Variants in ITPR2 observed in about 807,000 individuals in gnomAD.
ITPR2 encodes the protein inositol 1,4,5-trisphosphate receptor type 2.
In ITPR2, 207 loss-of-function variants were observed where a neutral mutation model predicts 317.1. The observed-to-expected ratio is 0.65, with a 90% CI of 0.58 to 0.73. The LOEUF is 0.73. Among genes scored for constraint, ITPR2 ranks in the 30% least tolerant of loss-of-function variants. ITPR2 has a pLI of 0.00. For missense variants in ITPR2, 2,613 were observed against 3,284.0 expected (o/e 0.80, Z 4.99); for synonymous variants, 1,156 against 1,149.1 (o/e 1.01, Z -0.12).
intron 55 of ITPR2, among the ~76,000 whole-genome samples, chr12:26,375,527 GA>G (rs1939312329): frequency 6.6e-6 from 1 of 152,188 alleles, no homozygotes; most frequent in African/African-American, 2.4e-5. Context: ...GCCCCACCAT[GA>G]AAACTGTTTT....
rs78571893 is a variant in ITPR2 at position 26,404,688 on chromosome 12, G to A, written c.7400-4430C>T. ...GTTTCCTGGGAGTTTCAGGGAATAA[G>A]AAAACCCAGAGGAAGGTTGAATTGG... is the stretch of plus-strand genomic sequence containing the variant. On this transcript the variant is annotated intron_variant, in intron 52 of 56. Transcript: ENST00000381340. Among the ~76,000 whole-genome samples the A allele has an allele frequency of 8.6e-3, 1,304 of 152,242 alleles. 16 individuals are homozygous for A. The highest frequency in any genetic ancestry group is 0.03 in the African/African-American group (1,241 of 41,538).
At position 26,602,460 on chromosome 12, in the gene ITPR2, A is replaced by G. The variant is rs755472790; in HGVS notation, c.3588T>C (p.Asn1196=). The G allele has an allele frequency of 6.2e-7, 1 of 1,613,726 alleles. No homozygotes were observed. The highest frequency in any genetic ancestry group is 1.7e-4 in the Middle Eastern group (1 of 6,058). Residue 1196 remains asparagine, a synonymous_variant, in exon 28 of 57, where the codon AAT becomes AAC. Transcript: ENST00000381340. ...LIRLSKLCVQ[N]KKCRNQHQRL... ...GTTGATGTTGATTCCGACACTTTTT[A>G]TTCTGCACACAGAGTTTACTTAGCC...
At chr12:26,765,826 CATT>C (rs768338835) in intron 2 of ITPR2, among the ~76,000 whole-genome samples, 32 of 152,262 alleles carry the variant, frequency 2.1e-4, no homozygotes, top group Non-Finnish European at 4.3e-4. Context: ...CCTCGGCAAT[CATT>C]AATCTAATTT....
chr12:26,709,655 A>G (rs1009798542), intron 9 of ITPR2, among the ~76,000 whole-genome samples: 1 of 152,244 alleles, frequency 6.6e-6, no homozygotes, highest in African/African-American at 2.4e-5. Context: ...ACAGCACATC[A>G]GTAGATTTGC....
intron 34 of ITPR2, among the ~76,000 whole-genome samples, chr12:26,576,727 G>A (rs1945287716): frequency 6.6e-6 from 1 of 152,312 alleles, no homozygotes; most frequent in South Asian, 2.1e-4. Context: ...AGGATAGAGA[G>A]GTAGAGGCCA....
intron 2 of ITPR2, among the ~76,000 whole-genome samples, chr12:26,755,062 ATG>A (rs997851352): frequency 1.3e-5 from 2 of 152,210 alleles, no homozygotes; most frequent in African/African-American, 4.8e-5. Context: ...ATTTGCATAA[ATG>A]TGTTTTTGGT....
chr12:26,686,662 T>C (rs973476954), intron 10 of ITPR2, 30 bp from the exon 11 acceptor site: 2 of 1,575,384 alleles, frequency 1.3e-6, no homozygotes, highest in African/African-American at 2.7e-5. Context: ...TTATTTACTT[T>C]TATCACGTTT....
chr12:26,622,180 G>C, intron 25 of ITPR2, 60 bp downstream of exon 25: 1 of 1,469,078 alleles, frequency 6.8e-7, no homozygotes, highest in Non-Finnish European at 9.2e-7. Context: ...AGTCAGGTTG[G>C]ATGTTATTAA....
intron 52 of ITPR2, chr12:26,406,439 T>TG (rs1940355056): frequency 6.7e-6 from 1 of 149,830 alleles, no homozygotes; most frequent in Non-Finnish European, 1.5e-5. Context: ...TTTTTTTTTT[T>TG]TTTTTTTTTT....
chr12:26,584,757 A>C (rs1248747268), intron 32 of ITPR2, among the ~76,000 whole-genome samples: 1 of 152,236 alleles, frequency 6.6e-6, no homozygotes, highest in Non-Finnish European at 1.5e-5. Context: ...ACATTTAAAT[A>C]GCCACAGTTG....
rs1937956980 is a variant in ITPR2, at chr12:26,337,482, G to A, written c.*1915C>T. ...TTTACCTGATACTGTTAATAGCATT[G>A]ATGATCCTGGATTTTAAAGATGGCT... On this transcript the variant is annotated 3_prime_UTR_variant, in exon 57 of 57. Coordinates refer to ENST00000381340, the MANE Select transcript of ITPR2 (RefSeq NM_002223.4). 6.6e-6 allele frequency: 1 copy of A among 152,146 alleles called. No homozygotes were observed. Among genetic ancestry groups the A allele is most frequent in the African/African-American group, 2.4e-5 (1 of 41,444 alleles). The allele number at this position is 152,146 out of a possible 1,614,324, so 9.4% of individuals were successfully genotyped here.
At chr12:26,580,725 C>T (rs1376642086) in intron 32 of ITPR2, among the ~76,000 whole-genome samples, 2 of 152,132 alleles carry the variant, frequency 1.3e-5, no homozygotes, top group African/African-American at 2.4e-5. Context: ...TATAGGTTTG[C>T]GTGCATTCTT....
At chr12:26,410,503 T>A (rs141774757) in intron 52 of ITPR2, among the ~76,000 whole-genome samples, 8 of 152,126 alleles carry the variant, frequency 5.3e-5, no homozygotes, top group Non-Finnish European at 1.2e-4. Flanking sequence ...TGGTCCCAGA[T>A]GGAAACTGGG....
chr12:26,529,050 G>T (rs1358196738), intron 37 of ITPR2, among the ~76,000 whole-genome samples: 1 of 152,090 alleles, frequency 6.6e-6, no homozygotes, highest in Non-Finnish European at 1.5e-5. Context: ...CCTACTCTAA[G>T]CCTCCATCAT....
chr12:26,341,792 C>G (rs1162821588), intron 55 of ITPR2, among the ~76,000 whole-genome samples: 2 of 152,180 alleles, frequency 1.3e-5, no homozygotes, highest in African/African-American at 4.8e-5. Context: ...TGGCTCAGGA[C>G]AGCCCTCCAC....
intron 35 of ITPR2, 83 bp from the exon 36 acceptor site, chr12:26,556,458 T>G: frequency 7.5e-7 from 1 of 1,337,286 alleles, no homozygotes; most frequent in Non-Finnish European, 1.0e-6. Context: ...TCAAGAATAC[T>G]AATGGGAATT....
chr12:26,567,944 T>C (rs1034249497), intron 34 of ITPR2, among the ~76,000 whole-genome samples: 40 of 32,564 alleles, frequency 1.2e-3, no homozygotes, highest in African/African-American at 4.1e-3. Flanking sequence ...CTGGTATATA[T>C]ATATATTATA....
At chr12:26,630,244 T>C (rs1483365813) in intron 22 of ITPR2, among the ~76,000 whole-genome samples, 3 of 151,998 alleles carry the variant, frequency 2.0e-5, no homozygotes, top group African/African-American at 7.3e-5. Context: ...TTGTATTCCA[T>C]AAATACAATC....
intron 45 of ITPR2, among the ~76,000 whole-genome samples, chr12:26,450,625 T>G (rs757839132): frequency 6.6e-6 from 1 of 152,172 alleles, no homozygotes. Context: ...ATTTGGTACT[T>G]AGACCACTTT....
Sources: allele counts gnomAD v4.1 joint callset (sites outside exome capture counted in the v4.1 genomes callset), GRCh38; gene constraint gnomAD v4.1.1; transcripts MANE v1.5; gene names NCBI Gene and HGNC (gene_info 2026-07-23, HGNC 2026-07-21).